The following GABRG3 variants were observed in gnomAD, a reference collection of about 807,000 sequenced individuals.
The protein encoded by GABRG3 is gamma-aminobutyric acid receptor subunit gamma-3.
In GABRG3, 25 loss-of-function variants were observed where a neutral mutation model predicts 48.8. The observed-to-expected ratio is 0.51, with a 90% CI of 0.37 to 0.72. GABRG3 has a LOEUF of 0.72. Among genes scored for constraint, GABRG3 ranks in the 30% least tolerant of loss-of-function variants. GABRG3 has a pLI of 0.00. For missense variants in GABRG3, 394 were observed against 577.9 expected, an observed-to-expected ratio of 0.68 and a Z score of 3.26; for synonymous variants, 227 against 217.6, an observed-to-expected ratio of 1.04 and a Z score of -0.38.
intron 6 of GABRG3, among the ~76,000 whole-genome samples, chr15:27,502,002 G>A (rs1182690958): frequency 6.6e-6 from 1 of 152,168 alleles, no homozygotes; most frequent in Admixed American, 6.5e-5. Context: ...TAGGGGCCAA[G>A]TAACAAGGTG....
chr15:27,213,487 G>A (rs1889137958), intron 3 of GABRG3, among the ~76,000 whole-genome samples: 2 of 152,148 alleles, frequency 1.3e-5, no homozygotes, highest in Admixed American at 1.3e-4. Flanking sequence ...TCCTCATAGC[G>A]TTAAAACACA....
rs185543996 is a variant in GABRG3, at chr15:27,416,909, A to G, written c.575-63741A>G. Among the ~76,000 whole-genome samples, 10 of 152,360 alleles carry G rather than the reference A, an allele frequency of 6.6e-5. No homozygotes were observed. The East Asian group carries it at 1.9e-3, about 29-fold the overall frequency. On this transcript the variant is annotated intron_variant, in intron 5 of 9. Transcript: ENST00000615808. ...ATTCTCTTTCTAAGAATGTATATAA[A>G]TAATAAGAGGTATGTATATCCAAAG... is the stretch of plus-strand genomic sequence containing the variant.
intron 6 of GABRG3, among the ~76,000 whole-genome samples, chr15:27,509,458 G>A (rs1234855697): frequency 2.6e-5 from 4 of 151,882 alleles, no homozygotes; most frequent in Non-Finnish European, 5.9e-5. Flanking sequence ...TCTTCTTTTG[G>A]AATTCAAATA....
chr15:27,168,136 T>TAAAAAAAA (rs757688026), intron 3 of GABRG3, among the ~76,000 whole-genome samples: 1 of 142,114 alleles, frequency 7.0e-6, no homozygotes. Context: ...GAAGCTCAGT[T>TAAAAAAAA]AAAAAAAAAA....
chr15:27,124,648 C>G (rs1897787681), intron 3 of GABRG3, among the ~76,000 whole-genome samples: 1 of 152,182 alleles, frequency 6.6e-6, no homozygotes, highest in African/African-American at 2.4e-5. Context: ...CTCAGCGCCT[C>G]TTGGCTTTAG....
intron 3 of GABRG3, among the ~76,000 whole-genome samples, chr15:27,189,996 G>T (rs1184563461): frequency 3.3e-5 from 5 of 152,136 alleles, no homozygotes; most frequent in African/African-American, 1.2e-4. Context: ...TGTGGTTTTT[G>T]TCTTTGGTTC....
At chr15:27,040,768 G>A (rs866318153) in intron 3 of GABRG3, among the ~76,000 whole-genome samples, 17 of 152,216 alleles carry the variant, frequency 1.1e-4, no homozygotes, top group Middle Eastern at 6.8e-3. Context: ...AAAGTTACAC[G>A]TTAGAGATTT....
In GABRG3 at chr15:27,348,500, TAGG is replaced by T. The variant is rs1331153102; in HGVS notation, c.574+19613_574+19615del. Reference sequence around the variant, plus strand: ...TTATGATTCTCTTCATTTTTTCAGATAGGGATACTGAGGTTCAGGGTACATAAG... The same window carrying T: ...TTATGATTCTCTTCATTTTTTCAGATGATACTGAGGTTCAGGGTACATAAG... On this transcript the variant is annotated intron_variant, in intron 5 of 9. Coordinates refer to ENST00000615808, the MANE Select transcript of GABRG3 (RefSeq NM_033223.5). 2.0e-5 allele frequency among the ~76,000 whole-genome samples: 3 copies of T among 152,162 alleles called. No homozygotes were observed. The East Asian group carries it at 5.8e-4, about 29-fold the overall frequency.
At chr15:27,281,629 T>C (rs1566992267) in intron 3 of GABRG3, among the ~76,000 whole-genome samples, 1 of 151,834 alleles carries the variant, frequency 6.6e-6, no homozygotes, top group East Asian at 1.9e-4. Flanking sequence ...GACACTGTAC[T>C]TTTCCTACTT....
intron 3 of GABRG3, among the ~76,000 whole-genome samples, chr15:27,250,099 C>G (rs1321332180): frequency 6.6e-6 from 1 of 152,118 alleles, no homozygotes; most frequent in Non-Finnish European, 1.5e-5. Flanking sequence ...TCACCAGCCC[C>G]CACCAGGTGC....
chr15:27,308,076 TTATACATCCAAACATATATAAACA>T, intron 3 of GABRG3, among the ~76,000 whole-genome samples: 1 of 133,922 alleles, frequency 7.5e-6, no homozygotes, highest in Non-Finnish European at 1.6e-5. Context: ...ACATATATGT[TTATACATCCAAACATATATAAACA>T]TATATGTTTA....
At position 27,382,115 on chromosome 15, in the gene GABRG3, G is replaced by A. The variant is rs117241020; in HGVS notation, c.574+53227G>A. ...AGATCAAGCAACAGCTAGATGATCC[G>A]TCTCTAAGCTTCTACACTCCATTCA... On this transcript the variant is annotated intron_variant, in intron 5 of 9. Coordinates refer to ENST00000615808, the MANE Select transcript of GABRG3 (RefSeq NM_033223.5). 5.2e-3 allele frequency among the ~76,000 whole-genome samples: 785 copies of A among 152,264 alleles called. 1 individual carries two copies. The highest frequency in any genetic ancestry group is 9.3e-3 in the Non-Finnish European group (632 of 68,022).
At chr15:27,054,059 A>G (rs370046714) in intron 3 of GABRG3, among the ~76,000 whole-genome samples, 41 of 152,244 alleles carry the variant, frequency 2.7e-4, no homozygotes, top group East Asian at 1.7e-3. Context: ...GGAGTTCGAG[A>G]CCAGCCTGGC....
rs147761564 is a variant in GABRG3 at position 27,158,577 on chromosome 15, T to C, written c.270+131756T>C. 2.8e-3 allele frequency among the ~76,000 whole-genome samples: 427 copies of C among 152,348 alleles called. 3 individuals carry two copies. The highest frequency in any genetic ancestry group is 9.9e-3 in the African/African-American group (410 of 41,584). On this transcript the variant is annotated intron_variant, in intron 3 of 9. Transcript: ENST00000615808. ...AGGAATTACAATAATCATACCTGTT[T>C]TCATAAGATTTCTATCTGAGAGAGA...
At chr15:27,423,264 A>AC (rs1491067726) in intron 5 of GABRG3, among the ~76,000 whole-genome samples, 1 of 146,094 alleles carries the variant, frequency 6.8e-6, no homozygotes, top group African/African-American at 2.6e-5. Flanking sequence ...AAAAAAAAAA[A>AC]ACCTCTAGAG....
At chr15:27,126,200 C>A (rs929685134) in intron 3 of GABRG3, among the ~76,000 whole-genome samples, 8 of 152,168 alleles carry the variant, frequency 5.3e-5, no homozygotes, top group Non-Finnish European at 1.0e-4. Flanking sequence ...TTACTAAACA[C>A]TTTATATATT....
At chr15:27,375,011 A>G (rs1241384786) in intron 5 of GABRG3, among the ~76,000 whole-genome samples, 3 of 152,114 alleles carry the variant, frequency 2.0e-5, no homozygotes, top group Non-Finnish European at 2.9e-5. Context: ...TTCTTAGGGG[A>G]AAGGGACATG....
intron 3 of GABRG3, among the ~76,000 whole-genome samples, chr15:27,039,084 A>C (rs1228926182): frequency 2.0e-5 from 3 of 152,198 alleles, no homozygotes; most frequent in African/African-American, 4.8e-5. Flanking sequence ...ACTGATGGCC[A>C]AGGAGCAGAG....
intron 6 of GABRG3, among the ~76,000 whole-genome samples, chr15:27,488,767 G>A (rs1890277990): frequency 1.3e-5 from 2 of 152,058 alleles, no homozygotes; most frequent in African/African-American, 4.8e-5. Context: ...TAATATGGAA[G>A]CATTAATGAG....
Sources: allele counts gnomAD v4.1 joint callset (sites outside exome capture counted in the v4.1 genomes callset), GRCh38; gene constraint gnomAD v4.1.1; transcripts MANE v1.5; gene names NCBI Gene and HGNC (gene_info 2026-07-23, HGNC 2026-07-21).